Variants in CSMD1 observed in about 807,000 individuals in gnomAD.
CSMD1 encodes CUB and Sushi multiple domains 1, also known as CUB and sushi domain-containing protein 1.
Under a neutral mutation model 417.5 loss-of-function variants are expected in CSMD1, and 213 were observed. That is an observed-to-expected ratio of 0.51 (90% CI 0.46 to 0.57). The LOEUF (loss-of-function observed/expected upper bound fraction) is 0.57. Among genes scored for constraint, CSMD1 ranks in the 20% least tolerant of loss-of-function variants. CSMD1 has a pLI of 0.00. For synonymous variants in CSMD1, 2,862 were observed against 1,736.8 expected (o/e 1.65, Z -16.11); for missense variants, 6,923 against 4,529.7 (o/e 1.53, Z -15.17).
chr8:4,166,397 T>C (rs1334851378), intron 3 of CSMD1, among the ~76,000 whole-genome samples: 2 of 152,178 alleles, frequency 1.3e-5, no homozygotes, highest in Non-Finnish European at 2.9e-5. Flanking sequence ...CAATTAAAGA[T>C]AAAATGTATA....
intron 12 of CSMD1, among the ~76,000 whole-genome samples, chr8:3,440,715 G>T (rs1014046382): frequency 5.3e-5 from 8 of 152,166 alleles, no homozygotes; most frequent in Non-Finnish European, 1.2e-4. Context: ...TCCTTGGTGG[G>T]TTCTTACTCT....
chr8:3,687,584 G>A (rs1047302876), intron 7 of CSMD1, among the ~76,000 whole-genome samples: 7 of 152,150 alleles, frequency 4.6e-5, no homozygotes, highest in East Asian at 1.9e-4. Context: ...TCAATGAACT[G>A]CTCTTGTAGG....
At chr8:4,139,309 T>G (rs1487354067) in intron 3 of CSMD1, among the ~76,000 whole-genome samples, 3 of 152,170 alleles carry the variant, frequency 2.0e-5, no homozygotes, top group Admixed American at 2.0e-4. Context: ...GCTGTCGTTA[T>G]ACTTATACGA....
intron 3 of CSMD1, among the ~76,000 whole-genome samples, chr8:4,130,772 T>G (rs1803052991): frequency 6.6e-6 from 1 of 151,990 alleles, no homozygotes; most frequent in Non-Finnish European, 1.5e-5. Context: ...ACATTTTTCT[T>G]TGTAACAAAA....
chr8:4,835,973 C>T (rs965018237), intron 1 of CSMD1, among the ~76,000 whole-genome samples: 1 of 151,804 alleles, frequency 6.6e-6, no homozygotes, highest in African/African-American at 2.4e-5. Context: ...AATTAGGTAC[C>T]TTCTAAATGT....
chr8:3,305,775 G>A (rs900221040), intron 25 of CSMD1, among the ~76,000 whole-genome samples: 1 of 152,156 alleles, frequency 6.6e-6, no homozygotes, highest in African/African-American at 2.4e-5. Context: ...CACCTCCTGG[G>A]TTCACACCAT....
chr8:4,009,292 G>C (rs1259833182), intron 4 of CSMD1, among the ~76,000 whole-genome samples: 6 of 152,254 alleles, frequency 3.9e-5, no homozygotes, highest in South Asian at 4.1e-4. Context: ...CTCAACTCTA[G>C]AATTTTTGTG....
intron 1 of CSMD1, among the ~76,000 whole-genome samples, chr8:4,979,867 C>A (rs1245838520): frequency 6.7e-6 from 1 of 150,164 alleles, no homozygotes; most frequent in Non-Finnish European, 1.5e-5. Flanking sequence ...GAAACCCCAT[C>A]TCTACTAAAA....
Position 3,966,941 on chromosome 8 carries a change from G to C in CSMD1, c.818+30962C>G, listed in dbSNP as rs1446155343. Among the ~76,000 whole-genome samples the C allele has an allele frequency of 2.6e-5, 4 of 152,194 alleles. No homozygotes were observed. In the East Asian group the frequency reaches 7.7e-4, roughly 29 times the overall value. The stretch of plus-strand genomic sequence containing the variant: ...TTAAAAGGCTGGTCTTTATGATCAA[G>C]AGATAATTCAAATTCTCCATTCTGT... On this transcript the variant is annotated intron_variant, in intron 5 of 69. Transcript: ENST00000635120.
intron 4 of CSMD1, among the ~76,000 whole-genome samples, chr8:4,010,826 T>C (rs562254179): frequency 1.3e-5 from 2 of 152,312 alleles, no homozygotes; most frequent in South Asian, 2.1e-4. Flanking sequence ...GGTTCCAGTC[T>C]AGGCCAAGTC....
At chr8:4,821,918 C>CTG (rs1190723920) in intron 1 of CSMD1, among the ~76,000 whole-genome samples, 7 of 152,116 alleles carry the variant, frequency 4.6e-5, no homozygotes, top group African/African-American at 1.7e-4. Context: ...ATTTGCTTGC[C>CTG]TGCTTCAGGT....
In CSMD1 at chr8:3,688,176, G is replaced by T. The variant is rs908443610; in HGVS notation, c.1009+20238C>A. Reference sequence around the variant, plus strand: ...CACAATAAAAATACATGAGAGAGCTGGGCATAAATTGGACACAATGAATAC... The same window carrying T: ...CACAATAAAAATACATGAGAGAGCTTGGCATAAATTGGACACAATGAATAC... On this transcript the variant is annotated intron_variant, in intron 7 of 69. Transcript: ENST00000635120. Among the ~76,000 whole-genome samples the T allele has an allele frequency of 2.6e-5, 4 of 152,244 alleles. No individual in the cohort carries two copies. The East Asian group carries it at 7.7e-4, about 29-fold the overall frequency.
At chr8:4,143,955 T>A (rs1204603435) in intron 3 of CSMD1, among the ~76,000 whole-genome samples, 1 of 151,326 alleles carries the variant, frequency 6.6e-6, no homozygotes, top group African/African-American at 2.5e-5. Flanking sequence ...GGCCAGTGCT[T>A]GGCCCATAGC....
intron 3 of CSMD1, among the ~76,000 whole-genome samples, chr8:4,132,166 G>A (rs1309415838): frequency 2.2e-5 from 3 of 136,924 alleles, no homozygotes; most frequent in African/African-American, 8.2e-5. Context: ...TTGCCTGTTT[G>A]TTTATGCGGG....
intron 69 of CSMD1, among the ~76,000 whole-genome samples, chr8:2,942,097 G>C (rs1229462633): frequency 6.6e-6 from 1 of 152,102 alleles, no homozygotes; most frequent in Non-Finnish European, 1.5e-5. Flanking sequence ...AAAGAGCATT[G>C]CTCTCACTCA....
chr8:2,969,407 C>G (rs942192135), intron 57 of CSMD1, among the ~76,000 whole-genome samples: 1 of 151,962 alleles, frequency 6.6e-6, no homozygotes, highest in Non-Finnish European at 1.5e-5. Flanking sequence ...TAAGCTTGAG[C>G]CTATGATTAA....
At chr8:4,553,316 A>C (rs557656434) in intron 2 of CSMD1, among the ~76,000 whole-genome samples, 1 of 152,214 alleles carries the variant, frequency 6.6e-6, no homozygotes, top group Non-Finnish European at 1.5e-5. Flanking sequence ...TCTGGGTAAA[A>C]GTGCTTCATT....
intron 3 of CSMD1, among the ~76,000 whole-genome samples, chr8:4,250,878 C>A (rs1054028266): frequency 1.3e-5 from 2 of 152,190 alleles, no homozygotes; most frequent in Non-Finnish European, 2.9e-5. Flanking sequence ...ATTCCTACTA[C>A]CCTGATGAAA....
intron 3 of CSMD1, among the ~76,000 whole-genome samples, chr8:4,112,410 C>T (rs541428627): frequency 2.0e-5 from 3 of 152,178 alleles, no homozygotes; most frequent in South Asian, 2.1e-4. Context: ...CTGAGCTTGC[C>T]AGTAAATATT....
Sources: gnomAD v4.1 joint callset for allele counts (sites outside exome capture counted in the v4.1 genomes callset) on GRCh38, gnomAD v4.1.1 for gene constraint, MANE v1.5 for transcripts, NCBI Gene and HGNC (gene_info 2026-07-23, HGNC 2026-07-21) for gene names.